Variants in CDHR2 observed in about 807,000 individuals in gnomAD.
CDHR2 encodes cadherin-related family member 2.
CDHR2 carries 104 observed loss-of-function variants against 138.6 expected under a neutral mutation model. The observed-to-expected ratio is 0.75, with a 90% CI of 0.64 to 0.88. The LOEUF (loss-of-function observed/expected upper bound fraction) is 0.88. CDHR2 is among the 40% of genes least tolerant of loss of function. The pLI, the probability that CDHR2 is intolerant of heterozygous loss-of-function variation, is 0.00. For synonymous variants in CDHR2, 755 were observed against 742.8 expected (o/e 1.02, Z -0.27); for missense variants, 1,624 against 1,727.6 (o/e 0.94, Z 1.06).
chr5:176,575,453 G>A, intron 9 of CDHR2, 27 bp downstream of exon 9: 2 of 1,614,198 alleles, frequency 1.2e-6, no homozygotes, highest in Non-Finnish European at 1.7e-6. Context: ...TGGGGTGTGG[G>A]TGGAGGCGGG....
chr5:176,570,088 ACTT>A (rs1246669083), intron 5 of CDHR2, among the ~76,000 whole-genome samples: 2 of 152,130 alleles, frequency 1.3e-5, no homozygotes, highest in African/African-American at 4.8e-5. Context: ...GCCTCCATGT[ACTT>A]CTTGGTGCAT....
intron 19 of CDHR2, among the ~76,000 whole-genome samples, chr5:176,585,749 G>C (rs1226200803): frequency 6.6e-6 from 1 of 152,126 alleles, no homozygotes; most frequent in East Asian, 1.9e-4. Context: ...TGAGCATGGG[G>C]GAACACATGG....
chr5:176,570,998 T>C (rs563529282), intron 5 of CDHR2, among the ~76,000 whole-genome samples: 2 of 115,780 alleles, frequency 1.7e-5, no homozygotes, highest in South Asian at 5.3e-4. Context: ...TACTTTCAAA[T>C]GGTTCAGAAA....
In CDHR2 at chr5:176,584,462, C is replaced by A; in HGVS notation, c.2181C>A (p.Asn727Lys). The A allele has an allele frequency of 6.2e-7, 1 of 1,608,688 alleles. No homozygotes were observed. Among genetic ancestry groups the A allele is most frequent in the Non-Finnish European group, 8.5e-7 (1 of 1,176,790 alleles). ...KAWDADQTEA[N>K]NRISFSLSGS... The stretch of plus-strand genomic sequence containing the variant: ...GGGACGCGGACCAGACGGAAGCCAA[C>A]AACCGCATCAGCTTCAGCCTGTCGG... The change falls in exon 19 of 32, where the codon AAC (asparagine) becomes AAA (lysine). Residue 727 changes from asparagine to lysine, a missense_variant. Transcript: ENST00000261944.
At chr5:176,561,800 C>T (rs1363131960) in intron 1 of CDHR2, among the ~76,000 whole-genome samples, 2 of 152,098 alleles carry the variant, frequency 1.3e-5, no homozygotes, top group Admixed American at 6.6e-5. Context: ...CCACCTCGCC[C>T]GGCTAATTTT....
intron 16 of CDHR2, among the ~76,000 whole-genome samples, chr5:176,580,540 A>AAAAG (rs1463391379): frequency 6.6e-6 from 1 of 151,308 alleles, no homozygotes; most frequent in Non-Finnish European, 1.5e-5. Context: ...AAAAAAAAAA[A>AAAAG]AAAGAAAGAA....
At position 176,578,599 on chromosome 5, in the gene CDHR2, G is replaced by T; in HGVS notation, c.1809G>T (p.Val603=). 1 of 1,610,856 alleles carries T rather than the reference G, an allele frequency of 6.2e-7. No individual in the cohort carries two copies. The highest frequency in any genetic ancestry group is 1.1e-5 in the South Asian group (1 of 91,050). ...FVQEEEGNVS[V]TIQAHDNDEP... is the part of the protein sequence containing the mutation. ...AGGAGGAGGAGGGCAATGTCTCCGT[G>T]ACCATCCAGGTGTGAGCCTGCCTGG... The change falls in exon 16 of 32, where the codon GTG becomes GTT. Residue 603 remains valine, a synonymous_variant. Coordinates refer to ENST00000261944, the MANE Select transcript of CDHR2 (RefSeq NM_017675.6).
chr5:176,567,467 A>G (rs1001605265), intron 3 of CDHR2, among the ~76,000 whole-genome samples: 1 of 149,314 alleles, frequency 6.7e-6, no homozygotes, highest in African/African-American at 2.5e-5. Flanking sequence ...ACTGTGCACC[A>G]CTACACCTGG....
intron 21 of CDHR2, among the ~76,000 whole-genome samples, chr5:176,588,011 C>T (rs1208932705): frequency 2.0e-5 from 3 of 152,178 alleles, no homozygotes; most frequent in East Asian, 1.9e-4. Context: ...TTAACAGTAA[C>T]GTTGGTGAAC....
chr5:176,578,151 C>G (rs2113303358), intron 15 of CDHR2, 56 bp downstream of exon 15: 2 of 1,485,874 alleles, frequency 1.3e-6, no homozygotes, highest in Middle Eastern at 1.7e-4. Context: ...AGGCCCACCT[C>G]TCTGCCTCTC....
chr5:176,591,310 T>C lies in CDHR2; in HGVS notation c.3640T>C (p.Tyr1214His), dbSNP rs1380793959. Residue 1214 changes from tyrosine (Y) to histidine (H), a missense_variant, in exon 29 of 32, where the codon TAC (tyrosine) becomes CAC (histidine). Coordinates refer to ENST00000261944, the MANE Select transcript of CDHR2 (RefSeq NM_017675.6). ...CCCTGCCATCCCAGGGACTAACATG[T>C]ACAACACTGAGCGGTGAGCAGGGGT... ...SAPAIPGTNMYNTERANPMLN... is the reference protein window; with the variant it reads ...SAPAIPGTNMHNTERANPMLN... 1.2e-6 allele frequency: 2 copies of C among 1,613,662 alleles called. No homozygotes were observed. Among genetic ancestry groups the C allele is most frequent in the South Asian group, 2.2e-5 (2 of 91,068 alleles).
intron 16 of CDHR2, among the ~76,000 whole-genome samples, chr5:176,580,105 G>A (rs982583204): frequency 6.6e-6 from 1 of 150,620 alleles, no homozygotes; most frequent in African/African-American, 2.4e-5. Flanking sequence ...TGGCAGGACA[G>A]GAACACACAC....
chr5:176,567,122 C>T (rs1581136224), intron 3 of CDHR2: 2 of 430,670 alleles, frequency 4.6e-6, no homozygotes, highest in African/African-American at 2.0e-5. Flanking sequence ...AAGGCAAGTG[C>T]TATTCTCATG....
chr5:176,565,565 C>G, intron 2 of CDHR2, 107 bp from the exon 3 acceptor site: 1 of 1,243,628 alleles, frequency 8.0e-7, no homozygotes, highest in Non-Finnish European at 1.2e-6. Flanking sequence ...CAGGCCTGGA[C>G]GGGTGGCCTG....
chr5:176,569,354 G>A (rs2113285458), intron 5 of CDHR2, among the ~76,000 whole-genome samples: 1 of 151,324 alleles, frequency 6.6e-6, no homozygotes, highest in African/African-American at 2.4e-5. Flanking sequence ...CGCGATCTCG[G>A]CTCACTGCAA....
chr5:176,575,705 C>G lies in CDHR2; in HGVS notation c.845-19C>G, dbSNP rs1019897614. The G allele has an allele frequency of 5.7e-6, 9 of 1,589,538 alleles. No individual in the cohort carries two copies. In the African/African-American group the frequency reaches 1.2e-4, roughly 21 times the overall value. ...CACTGGAGCAGCTGTTCCAGCTGTT[C>G]CGCCTTTCTCCTTGCCAGACTCCAC... On this transcript the variant is annotated intron_variant, in intron 10 of 31. Transcript: ENST00000261944.
intron 19 of CDHR2, 67 bp from the exon 20 acceptor site, chr5:176,585,887 G>T: frequency 1.6e-6 from 2 of 1,266,952 alleles, no homozygotes; most frequent in Non-Finnish European, 2.3e-6. Context: ...GGGGCACAGG[G>T]TTGAGGCCCA....
intron 4 of CDHR2, 59 bp downstream of exon 4, chr5:176,568,876 G>A: frequency 6.2e-7 from 1 of 1,611,416 alleles, no homozygotes; most frequent in Non-Finnish European, 8.5e-7. Flanking sequence ...GAGGGCCCTG[G>A]GAGCCCGCGT....
At position 176,591,988 on chromosome 5, in the gene CDHR2, A is replaced by G. The variant is rs534740728; in HGVS notation, c.3734+504A>G. 8.6e-5 allele frequency among the ~76,000 whole-genome samples: 11 copies of G among 128,038 alleles called. 1 individual carries two copies. The East Asian group carries it at 2.6e-3, about 30-fold the overall frequency. The allele number at this position is 128,038 out of a possible 152,430, so 84.0% of individuals were successfully genotyped here. A position where few individuals can be genotyped will look rare whatever the true frequency, so the allele number is the denominator to read the frequency against. ...GGTGGTGGTGGTGGTGTTGGTGTTG[A>G]GGTGATGGTGGTGATGGTAGTGGTG... On this transcript the variant is annotated intron_variant, in intron 30 of 31. Coordinates refer to ENST00000261944, the MANE Select transcript of CDHR2 (RefSeq NM_017675.6).
Sources: gnomAD v4.1 joint callset for allele counts (sites outside exome capture counted in the v4.1 genomes callset) on GRCh38, gnomAD v4.1.1 for gene constraint, MANE v1.5 for transcripts, NCBI Gene and HGNC (gene_info 2026-07-23, HGNC 2026-07-21) for gene names.